The following RBM20 variants were observed in gnomAD, a reference collection of about 807,000 sequenced individuals.
RBM20 encodes RNA-binding protein 20.
RBM20 carries 51 observed loss-of-function variants against 110.1 expected under a neutral mutation model. That is an observed-to-expected ratio of 0.46 (90% CI 0.37 to 0.59). The LOEUF is 0.59. Ranked by LOEUF, RBM20 falls within the 20% of genes least tolerant of loss-of-function variation. The pLI is 0.00. For missense variants in RBM20, 1,512 were observed against 1,574.9 expected (o/e 0.96, Z 0.68); for synonymous variants, 589 against 618.2 (o/e 0.95, Z 0.70).
intron 7 of RBM20, among the ~76,000 whole-genome samples, chr10:110,809,480 A>G (rs1050773684): frequency 6.6e-6 from 1 of 151,992 alleles, no homozygotes; most frequent in Non-Finnish European, 1.5e-5. Context: ...TGTGCTTATG[A>G]ATTTCTTTTT....
At chr10:110,820,697 C>T (rs1174652322) in intron 10 of RBM20, among the ~76,000 whole-genome samples, 3 of 152,250 alleles carry the variant, frequency 2.0e-5, no homozygotes, top group African/African-American at 7.2e-5. Flanking sequence ...GGGCCATCTT[C>T]GTGCCTTTCC....
chr10:110,830,476 G>A (rs1845036477), intron 12 of RBM20, among the ~76,000 whole-genome samples: 1 of 152,160 alleles, frequency 6.6e-6, no homozygotes, highest in Non-Finnish European at 1.5e-5. Context: ...ACAGAGAATT[G>A]TAATTAGGGT....
intron 1 of RBM20, among the ~76,000 whole-genome samples, chr10:110,724,739 T>C (rs1843543495): frequency 6.6e-6 from 1 of 152,094 alleles, no homozygotes; most frequent in South Asian, 2.1e-4. Context: ...GGATGAATCA[T>C]CTGGGGAATG....
At chr10:110,683,276 C>T (rs1308427166) in intron 1 of RBM20, among the ~76,000 whole-genome samples, 1 of 152,198 alleles carries the variant, frequency 6.6e-6, no homozygotes, top group Non-Finnish European at 1.5e-5. Flanking sequence ...TTGTTAATGG[C>T]AGAAGGCAGT....
chr10:110,690,701 C>G (rs1862575198), intron 1 of RBM20, among the ~76,000 whole-genome samples: 3 of 152,222 alleles, frequency 2.0e-5, no homozygotes, highest in Admixed American at 2.0e-4. Flanking sequence ...ATCATTCATA[C>G]TGTAGCATGT....
chr10:110,706,163 C>T (rs979642382), intron 1 of RBM20, among the ~76,000 whole-genome samples: 1 of 152,274 alleles, frequency 6.6e-6, no homozygotes, highest in Non-Finnish European at 1.5e-5. Context: ...TCTCTAGAGA[C>T]AACATCCTAC....
At position 110,838,214 on chromosome 10, in the gene RBM20, A is replaced by G. The variant is rs1012760899; in HGVS notation, c.*2236A>G. ...CATGGGAACACTCATTCTATTTTAT[A>G]GAATGACATGTTGCCCAATTCTAGA... On this transcript the variant is annotated 3_prime_UTR_variant, in exon 14 of 14. Transcript: ENST00000369519. 1 of 152,244 alleles carries G rather than the reference A, an allele frequency of 6.6e-6. No homozygotes were observed. The highest frequency in any genetic ancestry group is 2.4e-5 in the African/African-American group (1 of 41,466). 9.4% of individuals were successfully genotyped at this position (152,244 alleles called of 1,614,324 possible). A position where few individuals can be genotyped will look rare whatever the true frequency, so the allele number is the denominator to read the frequency against.
At chr10:110,667,661 G>A (rs536807952) in intron 1 of RBM20, among the ~76,000 whole-genome samples, 17 of 152,180 alleles carry the variant, frequency 1.1e-4, no homozygotes, top group Non-Finnish European at 1.8e-4. Flanking sequence ...CACTAATCTC[G>A]TAACACACAG....
At chr10:110,826,913 T>C (rs1844989038) in intron 12 of RBM20, among the ~76,000 whole-genome samples, 1 of 152,150 alleles carries the variant, frequency 6.6e-6, no homozygotes, top group African/African-American at 2.4e-5. Context: ...TTTTTATTGT[T>C]GAGGAGTATT....
intron 1 of RBM20, among the ~76,000 whole-genome samples, chr10:110,674,335 C>T (rs991762861): frequency 6.6e-6 from 1 of 152,220 alleles, no homozygotes; most frequent in African/African-American, 2.4e-5. Flanking sequence ...TGGGGAATTG[C>T]TTACAACAGG....
chr10:110,709,283 C>T (rs979275008), intron 1 of RBM20, among the ~76,000 whole-genome samples: 4 of 152,044 alleles, frequency 2.6e-5, no homozygotes, highest in African/African-American at 4.8e-5. Flanking sequence ...ATGCTGGGAT[C>T]GGGAGTCAAA....
chr10:110,816,222 C>T (rs1365173858), intron 9 of RBM20, among the ~76,000 whole-genome samples: 1 of 152,112 alleles, frequency 6.6e-6, no homozygotes, highest in Non-Finnish European at 1.5e-5. Flanking sequence ...CTCTACTGTC[C>T]CTGGCCACTG....
At position 110,739,080 on chromosome 10, in the gene RBM20, C is replaced by A. The variant is rs11195297; in HGVS notation, c.192-41721C>A. ...GAGGTGTCTGGACAGTCAGGAAGTA[C>A]CTGTCGCAGGTGGCATTTTCTGGCT... On this transcript the variant is annotated intron_variant, in intron 1 of 13. Transcript: ENST00000369519. The surrounding 1 kb of genome is among the most constrained non-coding windows in gnomAD (Gnocchi z 4.1). Among the ~76,000 whole-genome samples the A allele has an allele frequency of 0.4, 61,522 of 151,944 alleles. 12,871 individuals carry two copies. Among genetic ancestry groups the A allele is most frequent in the African/African-American group, 0.45 (18,750 of 41,402 alleles).
intron 5 of RBM20, among the ~76,000 whole-genome samples, chr10:110,787,970 T>C (rs1844440624): frequency 6.6e-6 from 1 of 152,212 alleles, no homozygotes; most frequent in East Asian, 1.9e-4. Flanking sequence ...TTTAGTCCTC[T>C]AGACAACCCC....
At chr10:110,666,018 G>GAGAGAGA (rs1195192167) in intron 1 of RBM20, among the ~76,000 whole-genome samples, 4 of 95,732 alleles carry the variant, frequency 4.2e-5, no homozygotes, top group East Asian at 4.6e-4. Flanking sequence ...AGAGAGAGAG[G>GAGAGAGA]GGAAGGAAGG....
intron 5 of RBM20, among the ~76,000 whole-genome samples, chr10:110,796,639 G>A (rs1844554202): frequency 6.6e-6 from 1 of 152,204 alleles, no homozygotes; most frequent in Non-Finnish European, 1.5e-5. Context: ...AATAGTCCCA[G>A]CTATTCGGGA....
At chr10:110,686,129 T>C (rs2134867966) in intron 1 of RBM20, among the ~76,000 whole-genome samples, 1 of 152,320 alleles carries the variant, frequency 6.6e-6, no homozygotes, top group South Asian at 2.1e-4. Context: ...CCATTCCTGC[T>C]TCAAAGGGCT....
chr10:110,820,882 TG>T (rs1844900237), intron 10 of RBM20, among the ~76,000 whole-genome samples: 1 of 152,030 alleles, frequency 6.6e-6, no homozygotes, highest in African/African-American at 2.4e-5. Flanking sequence ...AGAGGGTGCT[TG>T]GGGGGAATTT....
At chr10:110,741,971 T>A (rs1843730355) in intron 1 of RBM20, among the ~76,000 whole-genome samples, 1 of 152,188 alleles carries the variant, frequency 6.6e-6, no homozygotes, top group Non-Finnish European at 1.5e-5. Flanking sequence ...CTGCTGAAAT[T>A]ATCTTTGCCC....
Sources: allele counts gnomAD v4.1 joint callset (sites outside exome capture counted in the v4.1 genomes callset), GRCh38; gene constraint gnomAD v4.1.1; non-coding constraint Gnocchi (gnomAD v3.1); transcripts MANE v1.5; gene names NCBI Gene and HGNC (gene_info 2026-07-23, HGNC 2026-07-21).